Variants in STK32B observed in about 807,000 individuals in gnomAD.
The protein encoded by STK32B is serine/threonine kinase 32B.
In STK32B, 43 loss-of-function variants were observed where a neutral mutation model predicts 52.6. That is an observed-to-expected ratio of 0.82 (90% CI 0.64 to 1.05). The LOEUF (loss-of-function observed/expected upper bound fraction) is 1.05. Ranked by LOEUF, STK32B falls within the 50% of genes least tolerant of loss-of-function variation. The pLI, the probability that STK32B is intolerant of heterozygous loss-of-function variation, is 0.00. For synonymous variants in STK32B, 238 were observed against 204.3 expected (o/e 1.17, Z -1.41); for missense variants, 621 against 534.6 (o/e 1.16, Z -1.59).
intron 3 of STK32B, among the ~76,000 whole-genome samples, chr4:5,174,441 G>T (rs188044114): frequency 1.4e-4 from 21 of 151,556 alleles, no homozygotes; most frequent in African/African-American, 5.1e-4. Flanking sequence ...GGCTGATACC[G>T]GTTGTTCTTT....
Position 5,483,423 on chromosome 4 carries a change from C to T in STK32B, c.1106+15353C>T, listed in dbSNP as rs184134345. On this transcript the variant is annotated intron_variant, in intron 11 of 11. Coordinates refer to ENST00000282908, the MANE Select transcript of STK32B (RefSeq NM_018401.3). ...ATGGTAGCTTGTATTTCTGTGGGAT[C>T]GGTGGTGATATCCCCTTTATCATTT... Among the ~76,000 whole-genome samples, 1,098 of 152,122 alleles carry T rather than the reference C, an allele frequency of 7.2e-3. 5 individuals are homozygous for T. The highest frequency in any genetic ancestry group is 0.016 in the South Asian group (78 of 4,810).
At chr4:5,062,593 C>A (rs1742258290) in intron 1 of STK32B, among the ~76,000 whole-genome samples, 1 of 152,120 alleles carries the variant, frequency 6.6e-6, no homozygotes, top group Non-Finnish European at 1.5e-5. Context: ...ATTGCAAGCT[C>A]CGCCTCCCAG....
chr4:5,371,199 G>A (rs1046630631), intron 4 of STK32B, among the ~76,000 whole-genome samples: 2 of 152,058 alleles, frequency 1.3e-5, no homozygotes, highest in Non-Finnish European at 2.9e-5. Context: ...CAGCCAATGA[G>A]CAGAAGGAGG....
At chr4:5,116,768 C>T (rs1560159692) in intron 1 of STK32B, among the ~76,000 whole-genome samples, 1 of 152,164 alleles carries the variant, frequency 6.6e-6, no homozygotes, top group Non-Finnish European at 1.5e-5. Flanking sequence ...TTGACTCTTC[C>T]AATCCATTAA....
chr4:5,467,733 G>A lies in STK32B; in HGVS notation c.1042-273G>A, dbSNP rs767965750. Among the ~76,000 whole-genome samples the A allele has an allele frequency of 9.9e-5, 15 of 152,142 alleles. No individual in the cohort carries two copies. The highest frequency in any genetic ancestry group is 2.2e-4 in the Non-Finnish European group (15 of 68,042). ...GGGCCTTAAGTGGTCAGGAAAATAA[G>A]CTCATGAATTTCAGCCCATATTCCA... On this transcript the variant is annotated intron_variant, in intron 10 of 11. Transcript: ENST00000282908. The surrounding 1 kb of genome is among the most constrained non-coding windows in gnomAD (Gnocchi z 5.8).
chr4:5,316,188 T>TACA (rs1730683586), intron 3 of STK32B, among the ~76,000 whole-genome samples: 1 of 91,672 alleles, frequency 1.1e-5, no homozygotes, highest in African/African-American at 5.2e-5. Context: ...ACTAAATATA[T>TACA]ATATTTAGAT....
At chr4:5,072,950 A>G (rs1438665543) in intron 1 of STK32B, among the ~76,000 whole-genome samples, 1 of 152,186 alleles carries the variant, frequency 6.6e-6, no homozygotes, top group African/African-American at 2.4e-5. Context: ...CTTTATCATT[A>G]TAAAGTATTC....
At chr4:5,262,497 C>A (rs540462893) in intron 3 of STK32B, among the ~76,000 whole-genome samples, 2 of 151,216 alleles carry the variant, frequency 1.3e-5, no homozygotes, top group Non-Finnish European at 2.9e-5. Flanking sequence ...TGGTGGCGGG[C>A]GCCTGTAGTC....
rs1716968814 is a variant in STK32B at position 5,460,790 on chromosome 4, A to G, written c.909+562A>G. On this transcript the variant is annotated intron_variant, in intron 9 of 11. Coordinates refer to ENST00000282908, the MANE Select transcript of STK32B (RefSeq NM_018401.3). This position sits in a 1 kb window ranked among gnomAD's most constrained non-coding sequence, Gnocchi z 4.8. ...GCAGCAGAAAGCCTGGGTTTCAAAG[A>G]ACAATTTTATAGCATTTAAGGGAAT... Among the ~76,000 whole-genome samples the G allele has an allele frequency of 6.6e-6, 1 of 152,220 alleles. No individual in the cohort carries two copies. The highest frequency in any genetic ancestry group is 2.4e-5 in the African/African-American group (1 of 41,458).
rs11728721 is a variant in STK32B at position 5,294,359 on chromosome 4, T to G, written c.261-36861T>G. ...ATAGCATTGAATCTATAAATTACTTTGGGCAGTATGGCCATTTTCATGATA... is the reference window on the plus strand; with the variant it reads ...ATAGCATTGAATCTATAAATTACTTGGGGCAGTATGGCCATTTTCATGATA... On this transcript the variant is annotated intron_variant, in intron 3 of 11. Transcript: ENST00000282908. 9.8e-3 allele frequency among the ~76,000 whole-genome samples: 1,493 copies of G among 152,282 alleles called. 15 individuals are homozygous for G. The highest frequency in any genetic ancestry group is 0.016 in the Non-Finnish European group (1,095 of 68,004).
chr4:5,037,351 C>G, the STK32B span, among the ~76,000 whole-genome samples: 1 of 152,218 alleles, frequency 6.6e-6, no homozygotes, highest in Non-Finnish European at 1.5e-5. Context: ...GCGGCAAACA[C>G]TCTATTGGGT....
intron 3 of STK32B, among the ~76,000 whole-genome samples, chr4:5,187,875 A>G (rs1432970426): frequency 6.6e-6 from 1 of 152,156 alleles, no homozygotes; most frequent in African/African-American, 2.4e-5. Context: ...AAATAACAAG[A>G]TGAGTAAGTG....
chr4:5,343,516 G>T (rs1291918861), intron 4 of STK32B, among the ~76,000 whole-genome samples: 1 of 152,082 alleles, frequency 6.6e-6, no homozygotes, highest in East Asian at 1.9e-4. Context: ...GATCCCTGAG[G>T]AATCGCCACA....
rs373002150 is a variant in STK32B at position 5,176,270 on chromosome 4, C to T, written c.260+7820C>T. On this transcript the variant is annotated intron_variant, in intron 3 of 11. Transcript: ENST00000282908. Reference sequence around the variant, plus strand: ...TTCCCAGGTGAGGCGATGCCTCGCCCTGCTTTGGTTCACGCATGGTGTGCT... The same window carrying T: ...TTCCCAGGTGAGGCGATGCCTCGCCTTGCTTTGGTTCACGCATGGTGTGCT... Among the ~76,000 whole-genome samples the T allele has an allele frequency of 1.2e-4, 18 of 152,240 alleles. No individual in the cohort carries two copies. The East Asian group carries it at 2.7e-3, about 23-fold the overall frequency.
intron 2 of STK32B, among the ~76,000 whole-genome samples, chr4:5,159,350 G>C (rs1224826472): frequency 6.6e-6 from 1 of 151,674 alleles, no homozygotes; most frequent in South Asian, 2.1e-4. Context: ...CCCTAGGCTG[G>C]TAGGAAGTTG....
rs1053306868 is a variant in STK32B, at chr4:5,395,586, C to T, written c.435-2621C>T. On this transcript the variant is annotated intron_variant, in intron 4 of 11. Transcript: ENST00000282908. This position sits in a 1 kb window ranked among gnomAD's most constrained non-coding sequence, Gnocchi z 4.4. ...TTCATGTGCCTTCTGGTGTGCCTCTCTTCCTAGAATGCAAGCTCCATTCAG... is the reference window on the plus strand; with the variant it reads ...TTCATGTGCCTTCTGGTGTGCCTCTTTTCCTAGAATGCAAGCTCCATTCAG... 1.3e-5 allele frequency among the ~76,000 whole-genome samples: 2 copies of T among 152,212 alleles called. No homozygotes were observed. Among genetic ancestry groups the T allele is most frequent in the Non-Finnish European group, 2.9e-5 (2 of 68,042 alleles).
intron 11 of STK32B, among the ~76,000 whole-genome samples, chr4:5,496,110 G>A (rs1174835435): frequency 6.6e-6 from 1 of 152,232 alleles, no homozygotes; most frequent in Non-Finnish European, 1.5e-5. Flanking sequence ...CTTCAAAGCT[G>A]TCAGACAGGG....
At chr4:5,072,458 A>G (rs1480415112) in intron 1 of STK32B, among the ~76,000 whole-genome samples, 1 of 152,160 alleles carries the variant, frequency 6.6e-6, no homozygotes, top group African/African-American at 2.4e-5. Context: ...TGCACATTGC[A>G]GAAACCCCCT....
chr4:5,109,347 A>G (rs558695177), intron 1 of STK32B, among the ~76,000 whole-genome samples: 8 of 152,346 alleles, frequency 5.3e-5, no homozygotes, highest in East Asian at 3.9e-4. Context: ...GATAGTCACA[A>G]AGGACACACA....
Sources: gnomAD v4.1 joint callset for allele counts (sites outside exome capture counted in the v4.1 genomes callset) on GRCh38, gnomAD v4.1.1 for gene constraint, Gnocchi (gnomAD v3.1) non-coding constraint, MANE v1.5 for transcripts, NCBI Gene and HGNC (gene_info 2026-07-23, HGNC 2026-07-21) for gene names.